INSR: variants seen among roughly 807,000 people sequenced by gnomAD.
The protein encoded by INSR is IR.
A neutral mutation model predicts 142.6 loss-of-function variants in INSR; 67 were observed. That is an observed-to-expected ratio of 0.47 (90% CI 0.39 to 0.58). The LOEUF is 0.58. Ranked by LOEUF, INSR falls within the 20% of genes least tolerant of loss-of-function variation. INSR has a pLI of 0.00. For missense variants in INSR, 1,248 were observed against 1,833.2 expected, an observed-to-expected ratio of 0.68 and a Z score of 5.83; for synonymous variants, 756 against 743.1, an observed-to-expected ratio of 1.02 and a Z score of -0.28.
In INSR at chr19:7,224,494, G is replaced by A. The variant is rs1056941217; in HGVS notation, c.653-39857C>T. On this transcript the variant is annotated intron_variant, in intron 2 of 21. Coordinates refer to ENST00000302850, the MANE Select transcript of INSR (RefSeq NM_000208.4). ...TGTCGAGACATCAGGGTGTGTGGCC[G>A]AGCTTTCCGCCATGGGGGCAGCGAG... is the stretch of plus-strand genomic sequence containing the variant. 1.3e-5 allele frequency among the ~76,000 whole-genome samples: 2 copies of A among 152,204 alleles called. 1 individual carries two copies. Among genetic ancestry groups the A allele is most frequent in the South Asian group, 4.1e-4 (2 of 4,826 alleles).
chr19:7,282,782 G>A (rs904703872), intron 1 of INSR, among the ~76,000 whole-genome samples: 2 of 151,596 alleles, frequency 1.3e-5, no homozygotes, highest in Non-Finnish European at 2.9e-5. Context: ...TCAGGAGATC[G>A]AGACCACGGT....
chr19:7,269,016 C>T (rs973371903), intron 1 of INSR, among the ~76,000 whole-genome samples: 1 of 138,470 alleles, frequency 7.2e-6, no homozygotes, highest in African/African-American at 2.8e-5. Context: ...GATGGCTTCT[C>T]TCTGCCAACA....
intron 17 of INSR, among the ~76,000 whole-genome samples, chr19:7,123,676 A>G (rs2144807861): frequency 6.6e-6 from 1 of 152,054 alleles, no homozygotes; most frequent in Middle Eastern, 3.4e-3. Context: ...TAATCCCAGC[A>G]CTTTGGGAGG....
intron 1 of INSR, among the ~76,000 whole-genome samples, chr19:7,275,267 G>A (rs945175833): frequency 4.6e-5 from 7 of 151,550 alleles, no homozygotes; most frequent in African/African-American, 7.3e-5. Flanking sequence ...GAGCCACTGC[G>A]CCCGGCCAGC....
chr19:7,169,061 TG>T (rs11323545), intron 6 of INSR, among the ~76,000 whole-genome samples: 36,888 of 152,154 alleles, frequency 0.24, 4,544 homozygotes, highest in Middle Eastern at 0.3. Context: ...AGCCAAAACC[TG>T]ACTCTCCCTG....
intron 2 of INSR, among the ~76,000 whole-genome samples, chr19:7,261,145 C>T (rs1977050423): frequency 6.6e-6 from 1 of 152,082 alleles, no homozygotes; most frequent in African/African-American, 2.4e-5. Flanking sequence ...TCCTCGGCCT[C>T]CCAAAGTGCT....
chr19:7,206,550 C>T (rs192524109), intron 2 of INSR, among the ~76,000 whole-genome samples: 11 of 152,296 alleles, frequency 7.2e-5, no homozygotes, highest in East Asian at 1.9e-4. Flanking sequence ...CTCCTAGGAG[C>T]GTGAACCCTA....
At chr19:7,149,466 C>T (rs568552636) in intron 11 of INSR, among the ~76,000 whole-genome samples, 1 of 152,328 alleles carries the variant, frequency 6.6e-6, no homozygotes, top group East Asian at 1.9e-4. Context: ...CTCCCAAGTT[C>T]TCCAAGCTTT....
At chr19:7,207,586 A>AT (rs1452380297) in intron 2 of INSR, among the ~76,000 whole-genome samples, 2 of 151,760 alleles carry the variant, frequency 1.3e-5, no homozygotes, top group African/African-American at 4.8e-5. Context: ...CATCTCAAAA[A>AT]ACAACATGAG....
chr19:7,179,862 G>A (rs771832252), intron 3 of INSR, among the ~76,000 whole-genome samples: 1 of 152,170 alleles, frequency 6.6e-6, no homozygotes, highest in Non-Finnish European at 1.5e-5. Context: ...ACCAAGAAGT[G>A]GAGTCTATGT....
intron 9 of INSR, among the ~76,000 whole-genome samples, chr19:7,153,484 C>A (rs1438257678): frequency 3.0e-5 from 4 of 131,288 alleles, no homozygotes; most frequent in Admixed American, 1.5e-4. Context: ...ACACCACACA[C>A]GCACCACACA....
Position 7,191,310 on chromosome 19 carries a change from AAAGAAAGAAAGAAAAAGAAAG to A in INSR, c.653-6694_653-6674del, listed in dbSNP as rs1568475210. 7.5e-3 allele frequency among the ~76,000 whole-genome samples: 1,086 copies of A among 144,160 alleles called. 16 individuals are homozygous for A. The highest frequency in any genetic ancestry group is 0.025 in the African/African-American group (986 of 38,760). The allele number at this position is 144,160 out of a possible 152,430, so 94.6% of individuals were successfully genotyped here. On this transcript the variant is annotated intron_variant, in intron 2 of 21. Transcript: ENST00000302850. Reference sequence around the variant, plus strand: ...CTCAAAAAGAAAGAAAAGAAAAGAGAAAGAAAGAAAGAAAAAGAAAGAAAGAAAGAAAGAAAGGAGGGAGGG... The same window carrying A: ...CTCAAAAAGAAAGAAAAGAAAAGAGAAAAGAAAGAAAGAAAGGAGGGAGGG...
intron 2 of INSR, among the ~76,000 whole-genome samples, chr19:7,205,512 C>T (rs1029274131): frequency 6.6e-5 from 10 of 152,258 alleles, no homozygotes; most frequent in East Asian, 3.9e-4. Flanking sequence ...CTGTCAGTCC[C>T]GCAGTAGCCA....
At chr19:7,229,008 C>CGGAT (rs770324187) in intron 2 of INSR, among the ~76,000 whole-genome samples, 62 of 63,066 alleles carry the variant, frequency 9.8e-4, no homozygotes, top group Non-Finnish European at 1.6e-3. Flanking sequence ...GATGGATGGA[C>CGGAT]GTCTGGGTGG....
chr19:7,156,458 G>C (rs6510951), intron 9 of INSR, among the ~76,000 whole-genome samples: 2 of 152,018 alleles, frequency 1.3e-5, no homozygotes, highest in South Asian at 4.1e-4. Flanking sequence ...TCCTACTAGG[G>C]ACATTGGGCA....
At chr19:7,201,912 C>T (rs571256220) in intron 2 of INSR, among the ~76,000 whole-genome samples, 5 of 152,182 alleles carry the variant, frequency 3.3e-5, no homozygotes, top group South Asian at 2.1e-4. Context: ...CCACCCGCCT[C>T]GGCCTCCCAA....
rs6510977 is a variant in INSR, at chr19:7,271,361, G to C, written c.101-3465C>G. On this transcript the variant is annotated intron_variant, in intron 1 of 21. Transcript: ENST00000302850. ...AAATACAAAAAACAACTAGCTGGGC[G>C]TGGTGGCAGGCGCATGTAGTTCCAG... 2.6e-5 allele frequency among the ~76,000 whole-genome samples: 4 copies of C among 151,778 alleles called. No homozygotes were observed. In the South Asian group the frequency reaches 8.3e-4, roughly 32 times the overall value.
intron 4 of INSR, 68 bp downstream of exon 4, chr19:7,174,515 C>G: frequency 6.3e-7 from 1 of 1,582,896 alleles, no homozygotes; most frequent in Non-Finnish European, 8.7e-7. Context: ...TGCTTTTCTT[C>G]CCCGCTCACA....
intron 2 of INSR, among the ~76,000 whole-genome samples, chr19:7,260,556 A>G (rs1977027169): frequency 6.6e-6 from 1 of 152,164 alleles, no homozygotes; most frequent in South Asian, 2.1e-4. Flanking sequence ...GTCGCAAGAT[A>G]CATGTTCCTC....
Sources: allele counts gnomAD v4.1 joint callset (sites outside exome capture counted in the v4.1 genomes callset), GRCh38; gene constraint gnomAD v4.1.1; transcripts MANE v1.5; gene names NCBI Gene and HGNC (gene_info 2026-07-23, HGNC 2026-07-21).